The following PCDH12 variants were observed in gnomAD, a reference collection of about 807,000 sequenced individuals.
PCDH12 encodes protocadherin 12, also known as protocadherin-12.
Under a neutral mutation model 70.9 loss-of-function variants are expected in PCDH12, and 45 were observed. The observed-to-expected ratio is 0.63, with a 90% CI of 0.50 to 0.81. The LOEUF (loss-of-function observed/expected upper bound fraction) is 0.81, where lower values mean the gene tolerates loss of function less well. Among genes scored for constraint, PCDH12 ranks in the 40% least tolerant of loss-of-function variants. The probability of loss-of-function intolerance (pLI) is 0.00; values close to 1 mark genes in which losing one functional copy is unlikely to be tolerated. For synonymous variants in PCDH12, 567 were observed against 626.0 expected (o/e 0.91, Z 1.41); for missense variants, 1,370 against 1,491.7 (o/e 0.92, Z 1.34).
rs532959567 is a variant in PCDH12 at position 141,954,151 on chromosome 5, G to C, written c.2880+821C>G. On this transcript the variant is annotated intron_variant, in intron 1 of 3. Coordinates refer to ENST00000231484, the MANE Select transcript of PCDH12 (RefSeq NM_016580.4). The stretch of plus-strand genomic sequence containing the variant: ...ATGAGGCTCAGATGTTGAAGGACGT[G>C]TACAAGGTTGCCCAGCTCCTAAGTG... 3.3e-5 allele frequency among the ~76,000 whole-genome samples: 5 copies of C among 152,306 alleles called. No individual in the cohort carries two copies. In the South Asian group the frequency reaches 1.0e-3, roughly 32 times the overall value.
intron 1 of PCDH12, chr5:141,953,475 G>A (rs975641536): frequency 1.3e-5 from 2 of 152,208 alleles, no homozygotes; most frequent in Admixed American, 1.3e-4. Flanking sequence ...GGCTCACAGG[G>A]GCTACACAGA....
At chr5:141,948,595 A>T (rs1446676839) in intron 3 of PCDH12, among the ~76,000 whole-genome samples, 1 of 152,212 alleles carries the variant, frequency 6.6e-6, no homozygotes, top group Non-Finnish European at 1.5e-5. Flanking sequence ...AATTGTTAGC[A>T]TATTAAAGAG....
rs1753148091 is a variant in PCDH12 at position 141,954,960 on chromosome 5, T to C, written c.2880+12A>G. The C allele has an allele frequency of 6.2e-7, 1 of 1,602,018 alleles. No homozygotes were observed. The highest frequency in any genetic ancestry group is 1.7e-5 in the Admixed American group (1 of 59,406). On this transcript the variant is annotated intron_variant, in intron 1 of 3. Transcript: ENST00000231484. Reference sequence around the variant, plus strand: ...GAGTGACCAGAGAAAGAGCTGCCCATGCCCCAGGTACCTGAACAGGAGGAG... The same window carrying C: ...GAGTGACCAGAGAAAGAGCTGCCCACGCCCCAGGTACCTGAACAGGAGGAG...
chr5:141,954,924 TG>T, intron 1 of PCDH12, 47 bp downstream of exon 1: 17 of 1,556,046 alleles, frequency 1.1e-5, no homozygotes, highest in Non-Finnish European at 1.5e-5. Context: ...ATTCTGTTTC[TG>T]GTGGTCCAGG....
At position 141,945,708 on chromosome 5, in the gene PCDH12, C is replaced by T. The variant is rs1251148769; in HGVS notation, c.3228G>A (p.Pro1076=). 14 of 1,614,152 alleles carry T rather than the reference C, an allele frequency of 8.7e-6. No homozygotes were observed. The highest frequency in any genetic ancestry group is 2.2e-5 in the South Asian group (2 of 91,092). ...TTNYRDNVIS[P]DAAATEEPRT... is the part of the protein sequence containing the mutation. The stretch of plus-strand genomic sequence containing the variant: ...TTGGCTCCTCCGTGGCTGCAGCATC[C>T]GGGGAGATCACATTGTCACGGTAGT... The change falls in exon 4 of 4, where the codon CCG becomes CCA. Residue 1076 remains proline (P), a synonymous_variant. Transcript: ENST00000231484.
chr5:141,951,513 C>G lies in PCDH12; in HGVS notation c.2958G>C (p.Leu986Phe), dbSNP rs779115754. 3 of 1,614,172 alleles carry G rather than the reference C, an allele frequency of 1.9e-6. No homozygotes were observed. Among genetic ancestry groups the G allele is most frequent in the Admixed American group, 3.3e-5 (2 of 60,032 alleles). ...CTTACCTGCTGCCTCCTGGCTTGGC[C>G]AAGTACTTATTTCCTCGGTGGTTTG... Reference protein sequence around the residue: ...PKPNHRGNKYLAKPGGSRSAI... With the variant: ...PKPNHRGNKYFAKPGGSRSAI... The change falls in exon 2 of 4, where the codon TTG becomes TTC. Residue 986 changes from leucine (L) to phenylalanine (F), a missense_variant. Physicochemically the swap from Leu to Phe is conservative, Grantham distance 22. Transcript: ENST00000231484.
chr5:141,953,350 T>C (rs1753120843), intron 1 of PCDH12: 1 of 152,216 alleles, frequency 6.6e-6, no homozygotes, highest in African/African-American at 2.4e-5. Flanking sequence ...AATGAGCTTA[T>C]TAATAAATCC....
At chr5:141,954,701 C>T (rs1022805621) in intron 1 of PCDH12, among the ~76,000 whole-genome samples, 1 of 152,188 alleles carries the variant, frequency 6.6e-6, no homozygotes, top group Non-Finnish European at 1.5e-5. Flanking sequence ...ATCCTCTGGA[C>T]AACTCTACAA....
Position 141,957,209 on chromosome 5 carries a change from T to C in PCDH12, c.643A>G (p.Thr215Ala), listed in dbSNP as rs1389877870. The C allele has an allele frequency of 1.9e-6, 3 of 1,614,094 alleles. No homozygotes were observed. The African/African-American group carries it at 4.0e-5, about 22-fold the overall frequency. ...GGGGGGTTCCCATTGTCATAGGCAGTTAACACCAGATCAAAAAATGAATGG... is the reference window on the plus strand; with the variant it reads ...GGGGGGTTCCCATTGTCATAGGCAGCTAACACCAGATCAAAAAATGAATGG... ...EIHSFFDLVL[T>A]AYDNGNPPKS... is the part of the protein sequence containing the mutation. The change falls in exon 1 of 4, where the codon ACT becomes GCT. Residue 215 changes from threonine (T) to alanine (A), a missense_variant. Physicochemically the swap from Thr to Ala is moderately conservative, Grantham distance 58. Coordinates refer to ENST00000231484, the MANE Select transcript of PCDH12 (RefSeq NM_016580.4). This position sits in a 1 kb window ranked among gnomAD's most constrained non-coding sequence, Gnocchi z 4.3.
At position 141,957,963 on chromosome 5, in the gene PCDH12, GCTGCCGGCACAACCTTGTCC is replaced by G; in HGVS notation, c.-132_-113del. The G allele has an allele frequency of 8.0e-7, 1 of 1,257,562 alleles. No homozygotes were observed. The highest frequency in any genetic ancestry group is 1.1e-6 in the Non-Finnish European group (1 of 916,212). The allele number at this position is 1,257,562 out of a possible 1,614,324, so 77.9% of individuals were successfully genotyped here. Reference sequence around the variant, plus strand: ...TCAGCCCCGTGCTCCTTCCCCCAGAGCTGCCGGCACAACCTTGTCCCATAGTTAGATGATTATGAAACAAG... The same window carrying G: ...TCAGCCCCGTGCTCCTTCCCCCAGAGCATAGTTAGATGATTATGAAACAAG... On this transcript the variant is annotated 5_prime_UTR_variant, in exon 1 of 4. It removes the in-frame stop codon of an upstream open reading frame in the 5' UTR. Coordinates refer to ENST00000231484, the MANE Select transcript of PCDH12 (RefSeq NM_016580.4). This position sits in a 1 kb window ranked among gnomAD's most constrained non-coding sequence, Gnocchi z 4.3.
intron 2 of PCDH12, 61 bp downstream of exon 2, chr5:141,951,432 C>T: frequency 8.1e-7 from 1 of 1,229,394 alleles, no homozygotes; most frequent in Non-Finnish European, 1.2e-6. Context: ...ACAGAGGCTG[C>T]AGTGATGAGG....
chr5:141,950,869 A>G (rs755320214), intron 2 of PCDH12, among the ~76,000 whole-genome samples: 8 of 152,178 alleles, frequency 5.3e-5, no homozygotes, highest in Non-Finnish European at 1.0e-4. Context: ...CTTAGAATAC[A>G]ATTGATTATG....
At position 141,945,514 on chromosome 5, in the gene PCDH12, A is replaced by G; in HGVS notation, c.3422T>C (p.Val1141Ala). ...AASEALRRLSVCGRTLSLDLA... is the reference protein window; with the variant it reads ...AASEALRRLSACGRTLSLDLA... Reference sequence around the variant, plus strand: ...GTCTAAACTGAGGGTCCTCCCGCAGACCGAGAGCCGCCGCAGCGCCTCGGA... The same window carrying G: ...GTCTAAACTGAGGGTCCTCCCGCAGGCCGAGAGCCGCCGCAGCGCCTCGGA... Residue 1141 changes from valine (V) to alanine (A), a missense_variant, in exon 4 of 4, where the codon GTC becomes GCC. Transcript: ENST00000231484. The G allele has an allele frequency of 6.2e-7, 1 of 1,613,680 alleles. No individual in the cohort carries two copies.
chr5:141,956,079 G>A lies in PCDH12; in HGVS notation c.1773C>T (p.Pro591=), dbSNP rs1299794234. 1 of 1,614,032 alleles carries A rather than the reference G, an allele frequency of 6.2e-7. No individual in the cohort carries two copies. Among genetic ancestry groups the A allele is most frequent in the African/African-American group, 1.3e-5 (1 of 74,928 alleles). The part of the protein sequence containing the change: ...VNASTGHLLV[P]IETPNGLGPA... Reference sequence around the variant, plus strand: ...GGCCCAAGCCATTGGGAGTCTCGATGGGCACCAGCAGGTGGCCTGTGGAGG... The same window carrying A: ...GGCCCAAGCCATTGGGAGTCTCGATAGGCACCAGCAGGTGGCCTGTGGAGG... Residue 591 remains proline, a synonymous_variant, in exon 1 of 4, where the codon CCC becomes CCT. Transcript: ENST00000231484.
chr5:141,951,741 G>C, intron 1 of PCDH12, 151 bp from the exon 2 acceptor site: 1 of 666,226 alleles, frequency 1.5e-6, no homozygotes. Context: ...GGTGCCCAGT[G>C]ACAGAGACAG....
chr5:141,950,549 A>G (rs983831613), intron 2 of PCDH12, among the ~76,000 whole-genome samples: 2 of 152,174 alleles, frequency 1.3e-5, no homozygotes, highest in African/African-American at 4.8e-5. Flanking sequence ...TGAGAAAACC[A>G]AGACTTGTGA....
chr5:141,946,947 A>G (rs1184782760), intron 3 of PCDH12, among the ~76,000 whole-genome samples: 1 of 152,096 alleles, frequency 6.6e-6, no homozygotes, highest in Non-Finnish European at 1.5e-5. Context: ...CATTTATCTA[A>G]TGTTTGCCTA....
Position 141,954,958 on chromosome 5 carries a change from C to A in PCDH12, c.2880+14G>T. On this transcript the variant is annotated intron_variant, in intron 1 of 3. Coordinates refer to ENST00000231484, the MANE Select transcript of PCDH12 (RefSeq NM_016580.4). ...AGGAGTGACCAGAGAAAGAGCTGCC[C>A]ATGCCCCAGGTACCTGAACAGGAGG... is the stretch of plus-strand genomic sequence containing the variant. 1.2e-6 allele frequency: 2 copies of A among 1,600,698 alleles called. No homozygotes were observed. Among genetic ancestry groups the A allele is most frequent in the South Asian group, 1.1e-5 (1 of 89,622 alleles).
At chr5:141,950,430 T>G (rs565985015) in intron 2 of PCDH12, among the ~76,000 whole-genome samples, 1 of 152,324 alleles carries the variant, frequency 6.6e-6, no homozygotes, top group South Asian at 2.1e-4. Context: ...ACTAATGTTT[T>G]TGAGCAGTGA....
Sources: allele counts gnomAD v4.1 joint callset (sites outside exome capture counted in the v4.1 genomes callset), GRCh38; gene constraint gnomAD v4.1.1; non-coding constraint Gnocchi (gnomAD v3.1); transcripts MANE v1.5; gene names NCBI Gene and HGNC (gene_info 2026-07-23, HGNC 2026-07-21).